TMEM255A: variants seen among roughly 807,000 people sequenced by gnomAD.
TMEM255A encodes the protein transmembrane protein 255A.
In TMEM255A, 14 loss-of-function variants were observed where a neutral mutation model predicts 23.5. The ratio of observed to expected loss-of-function variants is 0.60; its 90% confidence interval spans 0.39 to 0.93. The LOEUF (loss-of-function observed/expected upper bound fraction) is 0.93, where lower values mean the gene tolerates loss of function less well. Among genes scored for constraint, TMEM255A ranks in the 40% least tolerant of loss-of-function variants. The pLI is 0.00. For synonymous variants in TMEM255A, 104 were observed against 100.3 expected (o/e 1.04, Z -0.22); for missense variants, 233 against 261.7 (o/e 0.89, Z 0.76).
intron 2 of TMEM255A, among the ~76,000 whole-genome samples, chrX:120,295,763 T>C (rs2057949871): frequency 8.9e-6 from 1 of 112,213 alleles, no homozygotes; most frequent in Non-Finnish European, 1.9e-5. Context: ...GGAACCACAG[T>C]AGTGACTACC....
At chrX:120,307,040 C>T (rs1324148709) in intron 1 of TMEM255A, among the ~76,000 whole-genome samples, 1 of 112,142 alleles carries the variant, frequency 8.9e-6, no homozygotes, top group African/African-American at 3.2e-5. Context: ...CCCTCACGAG[C>T]GTCCTTCCCT....
At chrX:120,276,164 A>G in intron 7 of TMEM255A, among the ~76,000 whole-genome samples, 1 of 111,489 alleles carries the variant, frequency 9.0e-6, no homozygotes, top group Middle Eastern at 4.7e-3. Flanking sequence ...TTAGAGATCT[A>G]GATTTATCAA....
chrX:120,263,145 G>A (rs1226976416), intron 8 of TMEM255A, among the ~76,000 whole-genome samples: 1 of 111,766 alleles, frequency 8.9e-6, no homozygotes, highest in African/African-American at 3.3e-5. Flanking sequence ...GGGGGAAAAG[G>A]CCCATAGTAC....
Position 120,293,417 on chromosome X carries a change from C to A in TMEM255A, c.264+572G>T, listed in dbSNP as rs149630437. 5.5e-3 allele frequency among the ~76,000 whole-genome samples: 624 copies of A among 113,081 alleles called. 2 individuals carry two copies. Among genetic ancestry groups the A allele is most frequent in the African/African-American group, 0.019 (577 of 31,154 alleles). On this transcript the variant is annotated intron_variant, in intron 3 of 8. Transcript: ENST00000371369. ...ATGCTTGTCCTTCCTTTCAATCTTA[C>A]AACATGCTTAGCTTTGAACTATGGG...
chrX:120,268,270 G>T lies in TMEM255A; in HGVS notation c.793C>A (p.Pro265Thr). Reference protein sequence around the residue: ...NTYYHSPPHLPPYSAYDFQHS... With the variant: ...NTYYHSPPHLTPYSAYDFQHS... ...TGAAAGTCATAAGCAGAATATGGTGGCAGGTGAGGAGGGCTATGGTAGTAG... is the reference window on the plus strand; with the variant it reads ...TGAAAGTCATAAGCAGAATATGGTGTCAGGTGAGGAGGGCTATGGTAGTAG... The change falls in exon 8 of 9, where the codon CCA (proline) becomes ACA (threonine). Residue 265 changes from proline (P) to threonine (T), a missense_variant. Pro to Thr is a conservative substitution (Grantham distance 38). Transcript: ENST00000371369. 2 of 1,209,391 alleles carry T rather than the reference G, an allele frequency of 1.7e-6. No homozygotes were observed. Among genetic ancestry groups the T allele is most frequent in the Non-Finnish European group, 2.2e-6 (2 of 894,256 alleles).
intron 2 of TMEM255A, among the ~76,000 whole-genome samples, chrX:120,296,847 TCA>T (rs2057975494): frequency 5.6e-5 from 1 of 17,712 alleles, no homozygotes; most frequent in African/African-American, 3.4e-4. Context: ...ATAATATATA[TCA>T]TATATAATAT....
chrX:120,292,453 A>G (rs2057922326), intron 3 of TMEM255A, among the ~76,000 whole-genome samples: 1 of 110,973 alleles, frequency 9.0e-6, no homozygotes. Context: ...TCCAGGGAGA[A>G]GGAGAAAATC....
At chrX:120,256,282 C>T (rs782085041), downstream of TMEM255A, 1 of 122,950 alleles carries the variant, frequency 8.1e-6, no homozygotes, top group African/African-American at 3.2e-5. Context: ...TTCCCATGAA[C>T]ATGAAAATTT....
At chrX:120,291,969 T>C (rs1441505806) in intron 3 of TMEM255A, among the ~76,000 whole-genome samples, 10 of 111,229 alleles carry the variant, frequency 9.0e-5, no homozygotes, top group Non-Finnish European at 1.5e-4. Context: ...TTACAAAGGA[T>C]TGAAGTCTCT....
chrX:120,258,369 T>C (rs2057651838), downstream of TMEM255A: 1 of 123,546 alleles, frequency 8.1e-6, no homozygotes. Flanking sequence ...TAGAGCTTCT[T>C]GTGGCAAAAA....
At chrX:120,290,748 T>A (rs1334783206) in intron 4 of TMEM255A, among the ~76,000 whole-genome samples, 2 of 111,508 alleles carry the variant, frequency 1.8e-5, no homozygotes, top group South Asian at 3.8e-4. Flanking sequence ...TGAAAGAAAA[T>A]CAGGCAAAGG....
chrX:120,288,690 T>A (rs1556022312), intron 4 of TMEM255A, among the ~76,000 whole-genome samples: 1 of 112,307 alleles, frequency 8.9e-6, no homozygotes, highest in African/African-American at 3.2e-5. Context: ...GCAACCTCTG[T>A]AATCTGAAGG....
chrX:120,299,571 T>C, intron 2 of TMEM255A, among the ~76,000 whole-genome samples: 1 of 111,587 alleles, frequency 9.0e-6, no homozygotes, highest in South Asian at 3.8e-4. Context: ...TGCCTCGGCC[T>C]CCCAAAGTGA....
Position 120,260,799 on chromosome X carries a change from A to G in TMEM255A, c.*71T>C. 8.6e-7 allele frequency: 1 copy of G among 1,164,795 alleles called. No individual in the cohort carries two copies. Among genetic ancestry groups the G allele is most frequent in the Non-Finnish European group, 1.1e-6 (1 of 872,657 alleles). The stretch of plus-strand genomic sequence containing the variant: ...ATAAGAGTCACACTTTAAATTTTGT[A>G]CCCTACACACTTCCACTGAAGCAGA... On this transcript the variant is annotated 3_prime_UTR_variant, in exon 9 of 9. Transcript: ENST00000371369.
chrX:120,282,322 C>G (rs2057842848), intron 6 of TMEM255A, among the ~76,000 whole-genome samples: 1 of 111,557 alleles, frequency 9.0e-6, no homozygotes, highest in African/African-American at 3.3e-5. Flanking sequence ...TTTCTAGTGG[C>G]TTTGCCCTTG....
At chrX:120,274,726 G>A (rs903447184) in intron 7 of TMEM255A, among the ~76,000 whole-genome samples, 1 of 111,832 alleles carries the variant, frequency 8.9e-6, no homozygotes, top group African/African-American at 3.3e-5. Context: ...TTTAATACAC[G>A]CATCTTGAAA....
At chrX:120,268,147 A>G (rs1293590070) in intron 8 of TMEM255A, 97 bp downstream of exon 8, 4 of 983,015 alleles carry the variant, frequency 4.1e-6, no homozygotes, top group Non-Finnish European at 2.7e-6. Flanking sequence ...ACATATGCAG[A>G]CAATGGAAAG....
chrX:120,300,256 G>A (rs2058024307), intron 2 of TMEM255A, among the ~76,000 whole-genome samples: 1 of 111,665 alleles, frequency 9.0e-6, no homozygotes, highest in Non-Finnish European at 1.9e-5. Flanking sequence ...GAAGCTCTTG[G>A]GTTTTTAGGC....
intron 7 of TMEM255A, chrX:120,273,219 G>T: frequency 4.6e-6 from 1 of 215,457 alleles, no homozygotes; most frequent in East Asian, 1.2e-4. Context: ...AGGAATATGA[G>T]TAGAATCACA....
Sources: gnomAD v4.1 joint callset for allele counts (sites outside exome capture counted in the v4.1 genomes callset) on GRCh38, gnomAD v4.1.1 for gene constraint, MANE v1.5 for transcripts, NCBI Gene and HGNC (gene_info 2026-07-23, HGNC 2026-07-21) for gene names.